Variants in MAPK10 observed in about 807,000 individuals in gnomAD.
The protein encoded by MAPK10 is JNK3 alpha protein kinase.
Under a neutral mutation model 59.3 loss-of-function variants are expected in MAPK10, and 25 were observed. That is an observed-to-expected ratio of 0.42 (90% CI 0.31 to 0.59). The LOEUF is 0.59. Among genes scored for constraint, MAPK10 ranks in the 20% least tolerant of loss-of-function variants. The pLI is 0.15. For synonymous variants in MAPK10, 190 were observed against 200.5 expected (o/e 0.95, Z 0.44); for missense variants, 351 against 568.9 (o/e 0.62, Z 3.90).
At chr4:86,132,165 G>A (rs928027706) in intron 4 of MAPK10, among the ~76,000 whole-genome samples, 11 of 152,054 alleles carry the variant, frequency 7.2e-5, no homozygotes, top group African/African-American at 2.2e-4. Flanking sequence ...GTTCATAAAG[G>A]TCTCGATGAG....
intron 12 of MAPK10, among the ~76,000 whole-genome samples, chr4:86,029,684 G>A (rs529511938): frequency 7.7e-4 from 117 of 152,132 alleles, no homozygotes; most frequent in South Asian, 4.0e-3. Flanking sequence ...ATACATTCTA[G>A]CTCAATCTAG....
chr4:86,151,880 A>G (rs1291267892), intron 4 of MAPK10: 2 of 152,246 alleles, frequency 1.3e-5, no homozygotes, highest in African/African-American at 2.4e-5. Flanking sequence ...CAGATGTATT[A>G]GATCTTCTGT....
chr4:86,265,171 G>A (rs1266563324), intron 2 of MAPK10, among the ~76,000 whole-genome samples: 2 of 151,930 alleles, frequency 1.3e-5, no homozygotes, highest in African/African-American at 4.8e-5. Flanking sequence ...ATTTATATGG[G>A]GATCCTGAGC....
intron 1 of MAPK10, among the ~76,000 whole-genome samples, chr4:86,419,598 G>GT (rs1463126856): frequency 3.9e-5 from 6 of 152,038 alleles, no homozygotes; most frequent in African/African-American, 1.2e-4. Flanking sequence ...TTTAGTTTTT[G>GT]TATGTACTTG....
At chr4:86,305,541 G>A (rs759224760) in intron 2 of MAPK10, among the ~76,000 whole-genome samples, 5 of 152,156 alleles carry the variant, frequency 3.3e-5, no homozygotes, top group African/African-American at 4.8e-5. Context: ...AATCAAGGCC[G>A]GGCACCGTGG....
chr4:86,117,956 C>T (rs1561920472), intron 4 of MAPK10: 1 of 152,202 alleles, frequency 6.6e-6, no homozygotes, highest in Non-Finnish European at 1.5e-5. Flanking sequence ...CTAGGATACT[C>T]TCAGAGGTGG....
chr4:86,120,624 A>T (rs935052117), intron 4 of MAPK10: 7 of 152,182 alleles, frequency 4.6e-5, no homozygotes, highest in Non-Finnish European at 1.0e-4. Flanking sequence ...ATGCACACAG[A>T]CTGTCTCAGT....
At chr4:86,467,408 T>A (rs1243676112) in intron 1 of MAPK10, among the ~76,000 whole-genome samples, 1 of 152,240 alleles carries the variant, frequency 6.6e-6, no homozygotes, top group Non-Finnish European at 1.5e-5. Context: ...TTAAAAATGT[T>A]TTTGAAGCAA....
intron 11 of MAPK10, among the ~76,000 whole-genome samples, chr4:86,036,563 T>TA (rs2040348451): frequency 6.6e-6 from 1 of 152,158 alleles, no homozygotes. Context: ...AAGGAAATTT[T>TA]AAAAAATATA....
chr4:86,406,909 A>G (rs1744436163), intron 1 of MAPK10, among the ~76,000 whole-genome samples: 1 of 152,016 alleles, frequency 6.6e-6, no homozygotes, highest in Admixed American at 6.6e-5. Context: ...TCATTTAACA[A>G]CCTCTCCTTA....
At chr4:86,194,502 G>T (rs12513237) in intron 2 of MAPK10, 95 bp from the exon 3 acceptor site, 34,834 of 757,050 alleles carry the variant, frequency 0.046, 2,094 homozygotes, top group African/African-American at 0.23. Context: ...TATATGCAAA[G>T]TACCATGCAC....
At chr4:86,111,489 G>GT (rs1471099491) in intron 4 of MAPK10, among the ~76,000 whole-genome samples, 2 of 152,148 alleles carry the variant, frequency 1.3e-5, no homozygotes, top group Admixed American at 1.3e-4. Context: ...ATAATCATGT[G>GT]TTTTTTGTCT....
chr4:86,390,715 C>A (rs558680248), intron 1 of MAPK10, among the ~76,000 whole-genome samples: 1 of 152,308 alleles, frequency 6.6e-6, no homozygotes, highest in South Asian at 2.1e-4. Context: ...ACACATCACC[C>A]TTTTATGTCC....
chr4:86,057,099 C>T (rs891816786), intron 11 of MAPK10, among the ~76,000 whole-genome samples: 14 of 148,866 alleles, frequency 9.4e-5, no homozygotes, highest in Admixed American at 2.0e-4. Flanking sequence ...CAGTACCTGG[C>T]ACTACAGGTG....
intron 2 of MAPK10, among the ~76,000 whole-genome samples, chr4:86,210,658 G>A (rs2085511948): frequency 1.3e-5 from 2 of 151,266 alleles, no homozygotes; most frequent in African/African-American, 4.9e-5. Flanking sequence ...AACTTTAAAA[G>A]GAATAACGTT....
At chr4:86,475,388 T>G (rs1193377314) in intron 1 of MAPK10, among the ~76,000 whole-genome samples, 1 of 152,176 alleles carries the variant, frequency 6.6e-6, no homozygotes, top group Admixed American at 6.5e-5. Flanking sequence ...AAGTGGCTTC[T>G]TTTTACTCTC....
intron 2 of MAPK10, among the ~76,000 whole-genome samples, chr4:86,340,742 C>T (rs550514820): frequency 9.2e-5 from 14 of 152,146 alleles, no homozygotes; most frequent in Non-Finnish European, 1.9e-4. Context: ...TAGAGGATAA[C>T]AATTTTCAAA....
Position 86,017,163 on chromosome 4 carries a change from G to A in MAPK10, c.*65C>T. Reference sequence around the variant, plus strand: ...TGCATTTGTGTGTGTGTGTGTGTCTGCGTGTGTGTGTGTTCCATCACATCA... The same window carrying A: ...TGCATTTGTGTGTGTGTGTGTGTCTACGTGTGTGTGTGTTCCATCACATCA... On this transcript the variant is annotated 3_prime_UTR_variant, in exon 14 of 14. Transcript: ENST00000641462. The surrounding 1 kb of genome is among the most constrained non-coding windows in gnomAD (Gnocchi z 4.4). The A allele has an allele frequency of 6.6e-7, 1 of 1,521,048 alleles. No individual in the cohort carries two copies. Among genetic ancestry groups the A allele is most frequent in the Non-Finnish European group, 9.0e-7 (1 of 1,109,346 alleles). 94.2% of individuals were successfully genotyped at this position (1,521,048 alleles called of 1,614,324 possible).
chr4:86,187,096 A>G (rs762662949), intron 3 of MAPK10, among the ~76,000 whole-genome samples: 25 of 152,160 alleles, frequency 1.6e-4, no homozygotes, highest in Non-Finnish European at 2.9e-4. Context: ...ATCAGTTCGT[A>G]TGATGAGAAA....
Sources: allele counts gnomAD v4.1 joint callset (sites outside exome capture counted in the v4.1 genomes callset), GRCh38; gene constraint gnomAD v4.1.1; non-coding constraint Gnocchi (gnomAD v3.1); transcripts MANE v1.5; gene names NCBI Gene and HGNC (gene_info 2026-07-23, HGNC 2026-07-21).